The following MYRIP variants were observed in gnomAD, a reference collection of about 807,000 sequenced individuals.
The protein encoded by MYRIP is myosin VIIA and Rab interacting protein, also known as rab effector MyRIP.
Under a neutral mutation model 98.0 loss-of-function variants are expected in MYRIP, and 49 were observed. The ratio of observed to expected loss-of-function variants is 0.50; its 90% CI spans 0.40 to 0.63. MYRIP has a LOEUF of 0.63. Ranked by LOEUF, MYRIP falls within the 30% of genes least tolerant of loss-of-function variation. The pLI is 0.00. For missense variants in MYRIP, 1,004 were observed against 1,058.2 expected (o/e 0.95, Z 0.71); for synonymous variants, 404 against 409.5 (o/e 0.99, Z 0.16).
chr3:40,147,204 T>C (rs1192861130), intron 3 of MYRIP, among the ~76,000 whole-genome samples: 2 of 152,310 alleles, frequency 1.3e-5, no homozygotes, highest in East Asian at 3.9e-4. Flanking sequence ...AAAACTTTTA[T>C]TATATGCTGG....
At chr3:40,159,132 T>C (rs1158693200) in intron 4 of MYRIP, among the ~76,000 whole-genome samples, 22 of 152,290 alleles carry the variant, frequency 1.4e-4, no homozygotes, top group Admixed American at 1.2e-3. Flanking sequence ...ATGGCTGGTA[T>C]CGGTTGTTCC....
intron 2 of MYRIP, among the ~76,000 whole-genome samples, chr3:39,957,542 G>A (rs1474384236): frequency 2.6e-5 from 4 of 152,026 alleles, no homozygotes; most frequent in Admixed American, 1.3e-4. Flanking sequence ...AATAATAAGA[G>A]CTATTTATGA....
intron 3 of MYRIP, among the ~76,000 whole-genome samples, chr3:40,075,501 G>A (rs1403605768): frequency 1.3e-5 from 2 of 152,160 alleles, no homozygotes; most frequent in African/African-American, 4.8e-5. Flanking sequence ...CCATTTACTA[G>A]CTGTGTAATA....
chr3:39,819,728 G>T (rs1941046032), intron 1 of MYRIP, among the ~76,000 whole-genome samples: 1 of 152,200 alleles, frequency 6.6e-6, no homozygotes. Flanking sequence ...GACATGGTTG[G>T]GGGATGGGCT....
At chr3:39,845,159 G>A (rs552067047) in intron 1 of MYRIP, among the ~76,000 whole-genome samples, 9 of 152,290 alleles carry the variant, frequency 5.9e-5, no homozygotes, top group African/African-American at 2.2e-4. Context: ...ATCCATTAGA[G>A]AAATAGTAGA....
intron 1 of MYRIP, among the ~76,000 whole-genome samples, chr3:39,823,977 T>C (rs1941192879): frequency 6.6e-6 from 1 of 152,228 alleles, no homozygotes. Flanking sequence ...CTAGTAATTT[T>C]GTAGTTTTGT....
chr3:40,077,401 CG>C (rs1559390348), intron 3 of MYRIP, among the ~76,000 whole-genome samples: 2 of 152,288 alleles, frequency 1.3e-5, no homozygotes, highest in African/African-American at 4.8e-5. Flanking sequence ...GGTGCATTTA[CG>C]ATCCCTGAGC....
chr3:40,179,399 T>A (rs571357710), intron 8 of MYRIP, among the ~76,000 whole-genome samples: 133 of 152,314 alleles, frequency 8.7e-4, no homozygotes, highest in African/African-American at 3.1e-3. Context: ...AGAGAGGGAC[T>A]TTTCATTTGT....
intron 10 of MYRIP, among the ~76,000 whole-genome samples, chr3:40,205,189 T>C (rs1951758464): frequency 6.6e-6 from 1 of 152,156 alleles, no homozygotes; most frequent in South Asian, 2.1e-4. Context: ...ACAGGCATCC[T>C]GCAAGGCTGC....
intron 3 of MYRIP, among the ~76,000 whole-genome samples, chr3:40,124,730 G>T (rs1390962330): frequency 6.6e-6 from 1 of 152,216 alleles, no homozygotes; most frequent in Non-Finnish European, 1.5e-5. Flanking sequence ...TCCAGAGAGG[G>T]TGAGTGCCCT....
At chr3:39,899,546 A>G (rs895243085) in intron 1 of MYRIP, among the ~76,000 whole-genome samples, 9 of 152,122 alleles carry the variant, frequency 5.9e-5, no homozygotes. Flanking sequence ...AACCCAATTG[A>G]TGTCTGGTGT....
At chr3:40,234,863 A>T (rs1298145420) in intron 12 of MYRIP, among the ~76,000 whole-genome samples, 1 of 152,042 alleles carries the variant, frequency 6.6e-6, no homozygotes, top group Non-Finnish European at 1.5e-5. Context: ...GTGTCATGGC[A>T]GGCGCCTGTA....
At chr3:39,923,010 G>A (rs73829713) in intron 2 of MYRIP, among the ~76,000 whole-genome samples, 8,335 of 152,082 alleles carry the variant, frequency 0.055, 374 homozygotes, top group East Asian at 0.16. Context: ...CAAAGTCTCC[G>A]CGAGGAAATA....
At chr3:39,830,466 C>T (rs1029519007) in intron 1 of MYRIP, among the ~76,000 whole-genome samples, 7 of 152,166 alleles carry the variant, frequency 4.6e-5, no homozygotes, top group Non-Finnish European at 7.3e-5. Context: ...ATCTATACCT[C>T]GTCACCATTC....
intron 2 of MYRIP, among the ~76,000 whole-genome samples, chr3:40,013,570 A>C (rs1447050179): frequency 1.3e-5 from 2 of 152,200 alleles, no homozygotes; most frequent in African/African-American, 4.8e-5. Context: ...CTCACCAACT[A>C]TGGGAAGTGG....
chr3:40,213,221 T>A (rs966261952), intron 11 of MYRIP, among the ~76,000 whole-genome samples: 8 of 152,166 alleles, frequency 5.3e-5, no homozygotes, highest in Non-Finnish European at 1.0e-4. Flanking sequence ...CCAGTCCAGG[T>A]TTTCATTGTT....
intron 3 of MYRIP, among the ~76,000 whole-genome samples, chr3:40,094,619 G>T (rs1948790837): frequency 6.6e-6 from 1 of 152,176 alleles, no homozygotes; most frequent in Admixed American, 6.5e-5. Context: ...TTCCTGCCCA[G>T]GACATTGTAG....
chr3:40,130,399 A>G (rs944407490), intron 3 of MYRIP, among the ~76,000 whole-genome samples: 1 of 142,330 alleles, frequency 7.0e-6, no homozygotes, highest in Non-Finnish European at 1.5e-5. Flanking sequence ...TTTTTTTGAG[A>G]CGGAGTCTCG....
intron 2 of MYRIP, among the ~76,000 whole-genome samples, chr3:39,995,637 C>G (rs1946328491): frequency 6.6e-6 from 1 of 152,090 alleles, no homozygotes; most frequent in Non-Finnish European, 1.5e-5. Flanking sequence ...GAAGAACTTC[C>G]CCAATCTAGC....
Sources: gnomAD v4.1 joint callset for allele counts (sites outside exome capture counted in the v4.1 genomes callset) on GRCh38, gnomAD v4.1.1 for gene constraint, MANE v1.5 for transcripts, NCBI Gene and HGNC (gene_info 2026-07-23, HGNC 2026-07-21) for gene names.